The following UTRN variants were observed in gnomAD, a reference collection of about 807,000 sequenced individuals.
UTRN encodes the protein utrophin, also known as dystrophin-related protein 1.
A neutral mutation model predicts 463.9 loss-of-function variants in UTRN; 283 were observed. The ratio of observed to expected loss-of-function variants is 0.61; its 90% CI spans 0.55 to 0.67. UTRN has a LOEUF of 0.67. Ranked by LOEUF, UTRN falls within the 30% of genes least tolerant of loss-of-function variation. The probability of loss-of-function intolerance (pLI) is 0.00; values close to 1 mark genes in which losing one functional copy is unlikely to be tolerated. For synonymous variants in UTRN, 1,442 were observed against 1,431.5 expected, an observed-to-expected ratio of 1.01 and a Z score of -0.17; for missense variants, 3,922 against 4,084.3, an observed-to-expected ratio of 0.96 and a Z score of 1.08.
Position 144,490,063 on chromosome 6 carries a change from C to A in UTRN, c.4135-8C>A, listed in dbSNP as rs779694378. On this transcript the variant is annotated splice_region_variant and splice_polypyrimidine_tract_variant and intron_variant, in intron 30 of 74. Coordinates refer to ENST00000367545, the MANE Select transcript of UTRN (RefSeq NM_007124.3). Reference sequence around the variant, plus strand: ...GGACATCCTCTCCCCTTTCCAATCTCTTTTTAGAAAATCCAAGCAGAGATC... The same window carrying A: ...GGACATCCTCTCCCCTTTCCAATCTATTTTTAGAAAATCCAAGCAGAGATC... The A allele has an allele frequency of 1.2e-6, 2 of 1,604,412 alleles. No individual in the cohort carries two copies. Among genetic ancestry groups the A allele is most frequent in the South Asian group, 2.3e-5 (2 of 88,386 alleles).
In UTRN at chr6:144,771,969, G is replaced by T; in HGVS notation, c.8557+1G>T. 1 of 1,430,272 alleles carries T rather than the reference G, an allele frequency of 7.0e-7. No individual in the cohort carries two copies. The highest frequency in any genetic ancestry group is 9.4e-7 in the Non-Finnish European group (1 of 1,065,704). The allele number at this position is 1,430,272 out of a possible 1,614,324, so 88.6% of individuals were successfully genotyped here. On this transcript the variant is annotated splice_donor_variant, in intron 59 of 74. Coordinates refer to ENST00000367545, the MANE Select transcript of UTRN (RefSeq NM_007124.3). LOFTEE classifies it high-confidence loss of function. ...ATGACCGAACTCTTTCAATCCCTTG[G>T]TAAGTGTTATTAATAGTAATAAATT...
chr6:144,398,218 T>C (rs1782627942), intron 2 of UTRN: 2 of 259,506 alleles, frequency 7.7e-6, no homozygotes, highest in African/African-American at 2.3e-5. Flanking sequence ...TGGAAGGTAC[T>C]GTGCTGTAGG....
intron 53 of UTRN, among the ~76,000 whole-genome samples, chr6:144,711,793 T>G (rs1785743638): frequency 6.6e-6 from 1 of 152,270 alleles, no homozygotes. Flanking sequence ...TCAGGGCTAC[T>G]CTGGCCTTTG....
intron 51 of UTRN, among the ~76,000 whole-genome samples, chr6:144,629,316 G>A (rs551355680): frequency 3.9e-5 from 6 of 151,974 alleles, no homozygotes; most frequent in East Asian, 1.9e-4. Flanking sequence ...GACTGTCACC[G>A]CCCTTGCAAG....
chr6:144,494,066 T>A (rs974556007), intron 33 of UTRN, among the ~76,000 whole-genome samples: 1 of 152,230 alleles, frequency 6.6e-6, no homozygotes, highest in Non-Finnish European at 1.5e-5. Context: ...GCTACTGATA[T>A]TCCATAAATT....
intron 55 of UTRN, among the ~76,000 whole-genome samples, chr6:144,751,479 G>T (rs1210915206): frequency 6.6e-6 from 1 of 152,094 alleles, no homozygotes; most frequent in Non-Finnish European, 1.5e-5. Flanking sequence ...CTCTGAGCTG[G>T]CCTTGCCATT....
intron 13 of UTRN, among the ~76,000 whole-genome samples, chr6:144,443,590 A>G (rs909620506): frequency 2.0e-5 from 3 of 152,118 alleles, no homozygotes; most frequent in African/African-American, 7.2e-5. Flanking sequence ...TTATTTGTAA[A>G]ATTGTAATAA....
chr6:144,602,572 C>T (rs1804373026), intron 51 of UTRN, among the ~76,000 whole-genome samples: 1 of 152,138 alleles, frequency 6.6e-6, no homozygotes, highest in Admixed American at 6.5e-5. Context: ...TACTTATTTA[C>T]CCAGTTTTAG....
chr6:144,542,767 T>C lies in UTRN; in HGVS notation c.6520-28T>C, dbSNP rs376975680. 3.1e-6 allele frequency: 5 copies of C among 1,603,564 alleles called. No homozygotes were observed. In the African/African-American group the frequency reaches 6.7e-5, roughly 22 times the overall value. On this transcript the variant is annotated intron_variant, in intron 45 of 74. Coordinates refer to ENST00000367545, the MANE Select transcript of UTRN (RefSeq NM_007124.3). Reference sequence around the variant, plus strand: ...GTCATCTTTATTTACGTAGTATTCTTCTCTTTCTGTTTGTCCTGATGCGGT... The same window carrying C: ...GTCATCTTTATTTACGTAGTATTCTCCTCTTTCTGTTTGTCCTGATGCGGT...
At chr6:144,301,522 ATCTT>A (rs1183345997) in intron 2 of UTRN, among the ~76,000 whole-genome samples, 6 of 132,370 alleles carry the variant, frequency 4.5e-5, no homozygotes, top group Non-Finnish European at 6.5e-5. Flanking sequence ...ATGCCATCCT[ATCTT>A]TCTTTCTTTC....
intron 58 of UTRN, among the ~76,000 whole-genome samples, chr6:144,763,424 C>T (rs565931466): frequency 1.3e-5 from 2 of 152,304 alleles, no homozygotes; most frequent in Non-Finnish European, 2.9e-5. Context: ...TCTACCTGCC[C>T]TAATCCTTCA....
In UTRN at chr6:144,774,553, C is replaced by T. The variant is rs1001564059; in HGVS notation, c.8632+189C>T. Among the ~76,000 whole-genome samples, 7 of 152,002 alleles carry T rather than the reference C, an allele frequency of 4.6e-5. No homozygotes were observed. The South Asian group carries it at 6.2e-4, about 14-fold the overall frequency. On this transcript the variant is annotated intron_variant, in intron 60 of 74. Coordinates refer to ENST00000367545, the MANE Select transcript of UTRN (RefSeq NM_007124.3). ...TGCCCCATCAGTGTGCAGTACTGAA[C>T]ACATGCCATTCTTACTTGGAGAACA...
At chr6:144,636,787 C>T (rs1450480247) in intron 51 of UTRN, among the ~76,000 whole-genome samples, 2 of 152,148 alleles carry the variant, frequency 1.3e-5, no homozygotes, top group African/African-American at 2.4e-5. Flanking sequence ...CGTTCATTCT[C>T]TCTTTCTTGA....
intron 2 of UTRN, among the ~76,000 whole-genome samples, chr6:144,300,247 G>A (rs563290332): frequency 6.6e-5 from 10 of 152,200 alleles, no homozygotes; most frequent in African/African-American, 2.4e-4. Context: ...GTGCCACCAT[G>A]CCTGGCTAAT....
At chr6:144,550,925 G>A in intron 47 of UTRN, 40 bp from the exon 48 acceptor site, 1 of 1,512,682 alleles carries the variant, frequency 6.6e-7, no homozygotes, top group African/African-American at 1.4e-5. Flanking sequence ...CTTCTCATAT[G>A]GCTTATTAAC....
chr6:144,850,913 T>C lies in UTRN; in HGVS notation c.10294-76T>C, dbSNP rs942268031. 9 of 1,590,652 alleles carry C rather than the reference T, an allele frequency of 5.7e-6. No homozygotes were observed. The African/African-American group carries it at 6.7e-5, about 12-fold the overall frequency. Reference sequence around the variant, plus strand: ...TCTTGAAAGAAGCACTTTTATTTTCTTGAAGAATTGACAGATCTCTGCTTC... The same window carrying C: ...TCTTGAAAGAAGCACTTTTATTTTCCTGAAGAATTGACAGATCTCTGCTTC... On this transcript the variant is annotated intron_variant, in intron 74 of 74. Transcript: ENST00000367545.
chr6:144,334,315 TG>T (rs1270664759), intron 2 of UTRN, among the ~76,000 whole-genome samples: 10 of 36,300 alleles, frequency 2.8e-4, no homozygotes, highest in African/African-American at 4.3e-4. Flanking sequence ...GGTGTGTGTT[TG>T]GGGGGGGTGG....
At chr6:144,816,664 T>C (rs1297556257) in intron 65 of UTRN, among the ~76,000 whole-genome samples, 1 of 151,940 alleles carries the variant, frequency 6.6e-6, no homozygotes, top group Non-Finnish European at 1.5e-5. Flanking sequence ...AAACGTGTTA[T>C]ATACACCATT....
intron 50 of UTRN, among the ~76,000 whole-genome samples, chr6:144,562,566 G>A (rs540009854): frequency 1.0e-3 from 154 of 152,088 alleles, no homozygotes; most frequent in Non-Finnish European, 1.7e-3. Context: ...AATATTCCTC[G>A]GTATATAGGT....
Sources: allele counts gnomAD v4.1 joint callset (sites outside exome capture counted in the v4.1 genomes callset), GRCh38; gene constraint gnomAD v4.1.1; transcripts MANE v1.5; gene names NCBI Gene and HGNC (gene_info 2026-07-23, HGNC 2026-07-21).